The following ANKRD6 variants were observed in gnomAD, a reference collection of about 807,000 sequenced individuals.
ANKRD6 encodes ankyrin repeat domain 6, also known as ankyrin repeat domain-containing protein 6.
In ANKRD6, 56 loss-of-function variants were observed where a neutral mutation model predicts 82.3. The ratio of observed to expected loss-of-function variants is 0.68; its 90% CI spans 0.55 to 0.85. ANKRD6 has a LOEUF of 0.85. ANKRD6 is among the 40% of genes least tolerant of loss of function. The pLI is 0.00. For missense variants in ANKRD6, 852 were observed against 907.6 expected, an observed-to-expected ratio of 0.94 and a Z score of 0.79; for synonymous variants, 347 against 352.1, an observed-to-expected ratio of 0.99 and a Z score of 0.16.
At chr6:89,542,016 T>G (rs1307904306) in intron 1 of ANKRD6, among the ~76,000 whole-genome samples, 1 of 152,096 alleles carries the variant, frequency 6.6e-6, no homozygotes, top group Non-Finnish European at 1.5e-5. Flanking sequence ...TTATGTCTTT[T>G]GAATCTATGA....
At chr6:89,560,095 A>T (rs367965122) in intron 1 of ANKRD6, among the ~76,000 whole-genome samples, 2 of 152,360 alleles carry the variant, frequency 1.3e-5, no homozygotes, top group African/African-American at 4.8e-5. Flanking sequence ...AGGAGTTCAT[A>T]TAACCAGGGA....
intron 1 of ANKRD6, among the ~76,000 whole-genome samples, chr6:89,528,134 A>T (rs925790321): frequency 2.8e-4 from 42 of 152,222 alleles, no homozygotes; most frequent in African/African-American, 9.6e-4. Context: ...AAGTCAGACG[A>T]TAGTGAGTTT....
At chr6:89,535,328 TC>T (rs1211801474) in intron 1 of ANKRD6, among the ~76,000 whole-genome samples, 2 of 151,378 alleles carry the variant, frequency 1.3e-5, no homozygotes, top group African/African-American at 4.8e-5. Flanking sequence ...GAATTAGCCA[TC>T]CTGGGGGGAA....
At chr6:89,501,258 C>T (rs1047851859) in intron 1 of ANKRD6, among the ~76,000 whole-genome samples, 4 of 152,130 alleles carry the variant, frequency 2.6e-5, no homozygotes, top group African/African-American at 9.7e-5. Flanking sequence ...TACGTATTTC[C>T]AGGGTTTTGT....
At chr6:89,446,046 C>T (rs910139187) in intron 1 of ANKRD6, among the ~76,000 whole-genome samples, 1 of 152,068 alleles carries the variant, frequency 6.6e-6, no homozygotes. Flanking sequence ...CCCTAAGACA[C>T]AGCAATATTA....
In ANKRD6 at chr6:89,633,204, AGAAGAAGAAACAAATAGAGGT is replaced by A. The variant is rs1807735439; in HGVS notation, c.*2203_*2223del. ...ATCTTGTCTCTTGGAGGTCTGTCGTAGAAGAAGAAACAAATAGAGGTGATGAAGACACAGAACAGGCTCAGT... is the reference window on the plus strand; with the variant it reads ...ATCTTGTCTCTTGGAGGTCTGTCGTAGATGAAGACACAGAACAGGCTCAGT... On this transcript the variant is annotated 3_prime_UTR_variant, in exon 16 of 16. Transcript: ENST00000339746. 2 of 152,312 alleles carry A rather than the reference AGAAGAAGAAACAAATAGAGGT, an allele frequency of 1.3e-5. No individual in the cohort carries two copies. Among genetic ancestry groups the A allele is most frequent in the South Asian group, 4.1e-4 (2 of 4,826 alleles). The allele number at this position is 152,312 out of a possible 1,614,324, so 9.4% of individuals were successfully genotyped here. A position where few individuals can be genotyped will look rare whatever the true frequency, so the allele number is the denominator to read the frequency against.
intron 5 of ANKRD6, among the ~76,000 whole-genome samples, chr6:89,610,791 A>G (rs901648728): frequency 2.3e-5 from 3 of 132,830 alleles, no homozygotes; most frequent in Non-Finnish European, 4.6e-5. Context: ...AAAAAGGAAA[A>G]AAAACAAAAC....
intron 1 of ANKRD6, among the ~76,000 whole-genome samples, chr6:89,449,236 C>T (rs1284060103): frequency 6.6e-6 from 1 of 152,034 alleles, no homozygotes; most frequent in African/African-American, 2.4e-5. Context: ...GATTCCAACC[C>T]TCGGGTCACT....
chr6:89,465,007 T>C (rs898075843), intron 1 of ANKRD6, among the ~76,000 whole-genome samples: 2 of 152,198 alleles, frequency 1.3e-5, no homozygotes, highest in African/African-American at 4.8e-5. Flanking sequence ...GCTTCCCAGT[T>C]TGCCCTGAAA....
intron 1 of ANKRD6, among the ~76,000 whole-genome samples, chr6:89,529,505 C>T (rs1177278942): frequency 6.6e-6 from 1 of 152,206 alleles, no homozygotes; most frequent in African/African-American, 2.4e-5. Context: ...TTCTCCATAT[C>T]AGCAATAAGG....
chr6:89,455,155 T>C (rs1210789447), intron 1 of ANKRD6, among the ~76,000 whole-genome samples: 2 of 151,706 alleles, frequency 1.3e-5, no homozygotes, highest in African/African-American at 2.4e-5. Context: ...GTGTGTGTTT[T>C]TTTTTTTTTT....
intron 1 of ANKRD6, among the ~76,000 whole-genome samples, chr6:89,471,515 C>G (rs1372643907): frequency 1.3e-5 from 2 of 151,754 alleles, no homozygotes; most frequent in African/African-American, 4.8e-5. Context: ...CTGTGGATTA[C>G]CTAATGTTAC....
intron 5 of ANKRD6, among the ~76,000 whole-genome samples, chr6:89,608,991 G>C (rs1799510051): frequency 6.6e-6 from 1 of 152,208 alleles, no homozygotes; most frequent in Non-Finnish European, 1.5e-5. Context: ...TGCCCTCAGA[G>C]TGGGGCTCAC....
In ANKRD6 at chr6:89,633,397, C is replaced by T. The variant is rs1807784186; in HGVS notation, c.*2393C>T. 6.6e-6 allele frequency: 1 copy of T among 152,106 alleles called. No individual in the cohort carries two copies. Among genetic ancestry groups the T allele is most frequent in the African/African-American group, 2.4e-5 (1 of 41,402 alleles). 9.4% of individuals were successfully genotyped at this position (152,106 alleles called of 1,614,324 possible). ...CAGTGTATATTTTTCCTTATTTTTC[C>T]CTTTTAGCTATCTGCTAAAGTGAGT... On this transcript the variant is annotated 3_prime_UTR_variant, in exon 16 of 16. Transcript: ENST00000339746.
intron 5 of ANKRD6, among the ~76,000 whole-genome samples, chr6:89,607,334 AT>A (rs67276986): frequency 0.99 from 150,833 of 152,206 alleles, 74,743 homozygotes; most frequent in Middle Eastern, 1. Context: ...CAGTAGTTAT[AT>A]TTTTTTAACT....
rs1800431223 is a variant in ANKRD6, at chr6:89,612,299, T to G, written c.445T>G (p.Cys149Gly). The change falls in exon 6 of 16, where the codon TGC becomes GGC. Residue 149 changes from cysteine to glycine, a missense_variant. By Grantham distance (159) the Cys-to-Gly change is radical. Coordinates refer to ENST00000339746, the MANE Select transcript of ANKRD6 (RefSeq NM_001242809.2). ...GGGGAACACAGCTCTGCACCTGGCC[T>G]GCCAGAACAGCCACTCCCAGAGCAC... ...KAGNTALHLA[C>G]QNSHSQSTRV... 2 of 1,561,906 alleles carry G rather than the reference T, an allele frequency of 1.3e-6. No individual in the cohort carries two copies. The highest frequency in any genetic ancestry group is 1.7e-6 in the Non-Finnish European group (2 of 1,152,524).
intron 1 of ANKRD6, among the ~76,000 whole-genome samples, chr6:89,438,111 A>G (rs1236266157): frequency 6.6e-6 from 1 of 152,242 alleles, no homozygotes; most frequent in Admixed American, 6.5e-5. Context: ...CATTTATCTT[A>G]GAAATACTTC....
In ANKRD6 at chr6:89,462,524, C is replaced by A. The variant is rs1017592589; in HGVS notation, c.-144+29149C>A. On this transcript the variant is annotated intron_variant, in intron 1 of 15. Coordinates refer to ENST00000339746, the MANE Select transcript of ANKRD6 (RefSeq NM_001242809.2). ...ACTAGTAAATACTGAAGAATACAGT[C>A]CTAACACATATAGGACATATATAGG... Among the ~76,000 whole-genome samples the A allele has an allele frequency of 3.9e-5, 6 of 151,974 alleles. 1 individual carries two copies. The South Asian group carries it at 1.0e-3, about 26-fold the overall frequency.
chr6:89,552,888 C>T (rs562313485), intron 1 of ANKRD6, among the ~76,000 whole-genome samples: 3 of 152,210 alleles, frequency 2.0e-5, no homozygotes, highest in African/African-American at 4.8e-5. Context: ...CTTCTCCCCA[C>T]TCCTGCCTCA....
Sources: allele counts gnomAD v4.1 joint callset (sites outside exome capture counted in the v4.1 genomes callset), GRCh38; gene constraint gnomAD v4.1.1; transcripts MANE v1.5; gene names NCBI Gene and HGNC (gene_info 2026-07-23, HGNC 2026-07-21).